Variants in NFIA observed in about 807,000 individuals in gnomAD.
The protein encoded by NFIA is nuclear factor 1 A-type.
Under a neutral mutation model 62.8 loss-of-function variants are expected in NFIA, and 8 were observed. The observed-to-expected ratio is 0.13, with a 90% CI of 0.07 to 0.23. The LOEUF is 0.23. NFIA is among the 10% of genes least tolerant of loss of function. The pLI is 1.00. For missense variants in NFIA, 410 were observed against 642.1 expected, an observed-to-expected ratio of 0.64 and a Z score of 3.91; for synonymous variants, 235 against 238.1, an observed-to-expected ratio of 0.99 and a Z score of 0.12.
At chr1:61,305,519 G>T (rs1232579419) in intron 3 of NFIA, among the ~76,000 whole-genome samples, 2 of 152,194 alleles carry the variant, frequency 1.3e-5, no homozygotes, top group African/African-American at 4.8e-5. Context: ...TGGTGGTTTT[G>T]CAGTGTAGAC....
chr1:61,406,543 G>A lies in NFIA; in HGVS notation c.1255-19G>A. Reference sequence around the variant, plus strand: ...TCTTTTTCTTGTACGTGTGTTTTCTGCCCCCCCCCCCCCCACAGCCCAATG... The same window carrying A: ...TCTTTTTCTTGTACGTGTGTTTTCTACCCCCCCCCCCCCCACAGCCCAATG... On this transcript the variant is annotated intron_variant, in intron 8 of 10. Transcript: ENST00000403491. The A allele has an allele frequency of 3.4e-6, 3 of 876,654 alleles. No individual in the cohort carries two copies. The highest frequency in any genetic ancestry group is 4.5e-5 in the East Asian group (1 of 22,024). 54.3% of individuals were successfully genotyped at this position (876,654 alleles called of 1,614,324 possible).
intron 6 of NFIA, among the ~76,000 whole-genome samples, chr1:61,365,613 G>A (rs1663545298): frequency 6.6e-6 from 1 of 152,206 alleles, no homozygotes; most frequent in Non-Finnish European, 1.5e-5. Flanking sequence ...TATCATTAAA[G>A]TCAAGCCAAG....
rs191999609 is a variant in NFIA at position 61,383,401 on chromosome 1, T to C, written c.1075+36T>C. The C allele has an allele frequency of 1.8e-4, 287 of 1,610,736 alleles. 1 individual carries two copies. The African/African-American group carries it at 3.4e-3, about 19-fold the overall frequency. ...CCACAGGCACCCTTGGTTGTGCTTA[T>C]ATCATGGCCTTTGGACCCAAGTAGC... On this transcript the variant is annotated intron_variant, in intron 7 of 10. Transcript: ENST00000403491.
At chr1:61,135,626 C>T (rs956838179) in intron 2 of NFIA, among the ~76,000 whole-genome samples, 10 of 152,192 alleles carry the variant, frequency 6.6e-5, no homozygotes, top group African/African-American at 2.4e-4. Context: ...GGGCTGGTCT[C>T]AAACTACTGG....
At chr1:61,383,102 T>A in intron 6 of NFIA, 135 bp from the exon 7 acceptor site, 1 of 1,131,278 alleles carries the variant, frequency 8.8e-7, no homozygotes, top group Non-Finnish European at 1.3e-6. Flanking sequence ...TGCAAAGCAA[T>A]TCACAACATC....
chr1:61,088,984 C>T lies in NFIA; in HGVS notation c.559+304C>T, dbSNP rs796921172. 1.3e-5 allele frequency among the ~76,000 whole-genome samples: 2 copies of T among 152,074 alleles called. No individual in the cohort carries two copies. Among genetic ancestry groups the T allele is most frequent in the Admixed American group, 6.5e-5 (1 of 15,268 alleles). Reference sequence around the variant, plus strand: ...GGATGAGAGAAGCCTCGTGAAAACCCTTTTAATAAAGAGTATATTTTAACT... The same window carrying T: ...GGATGAGAGAAGCCTCGTGAAAACCTTTTTAATAAAGAGTATATTTTAACT... On this transcript the variant is annotated intron_variant, in intron 2 of 10. Transcript: ENST00000403491. This position sits in a 1 kb window ranked among gnomAD's most constrained non-coding sequence, Gnocchi z 4.5.
intron 5 of NFIA, among the ~76,000 whole-genome samples, chr1:61,356,885 C>G (rs1392995570): frequency 6.6e-6 from 1 of 152,156 alleles, no homozygotes; most frequent in Non-Finnish European, 1.5e-5. Context: ...CACATTTTTT[C>G]ATTCAGATTG....
At chr1:61,238,585 C>T (rs1655140170) in intron 2 of NFIA, among the ~76,000 whole-genome samples, 1 of 152,170 alleles carries the variant, frequency 6.6e-6, no homozygotes, top group Non-Finnish European at 1.5e-5. Context: ...TTATCTCAGA[C>T]AGACATCCTG....
At chr1:61,080,383 G>A (rs1646081069), upstream of NFIA, among the ~76,000 whole-genome samples, 1 of 151,438 alleles carries the variant, frequency 6.6e-6, no homozygotes, top group African/African-American at 2.4e-5. Context: ...TTTGAAAATA[G>A]GCAGATGTGA....
At chr1:61,105,338 T>C (rs1390198590) in intron 2 of NFIA, among the ~76,000 whole-genome samples, 1 of 152,130 alleles carries the variant, frequency 6.6e-6, no homozygotes, top group Non-Finnish European at 1.5e-5. Flanking sequence ...TTCTTAACAT[T>C]ACACTACAAT....
intron 2 of NFIA, among the ~76,000 whole-genome samples, chr1:61,186,983 G>A (rs1371766544): frequency 6.6e-6 from 1 of 152,158 alleles, no homozygotes; most frequent in Non-Finnish European, 1.5e-5. Context: ...CAGTGGTGCT[G>A]TACTTTTGCT....
At chr1:61,270,625 T>A (rs2100262097) in intron 2 of NFIA, among the ~76,000 whole-genome samples, 1 of 152,364 alleles carries the variant, frequency 6.6e-6, no homozygotes, top group Admixed American at 6.5e-5. Context: ...TAGATGGCTG[T>A]ATGAGTAATC....
chr1:61,240,816 T>C (rs1413631558), intron 2 of NFIA, among the ~76,000 whole-genome samples: 1 of 152,092 alleles, frequency 6.6e-6, no homozygotes, highest in East Asian at 1.9e-4. Flanking sequence ...TCGAGAAATA[T>C]TTTCAAGGAC....
intron 2 of NFIA, among the ~76,000 whole-genome samples, chr1:61,153,964 G>A (rs1165070223): frequency 6.6e-6 from 1 of 152,106 alleles, no homozygotes; most frequent in African/African-American, 2.4e-5. Flanking sequence ...TTAGTCAAGA[G>A]TACTTTGGAA....
intron 2 of NFIA, among the ~76,000 whole-genome samples, chr1:61,123,347 T>C (rs764475093): frequency 1.7e-4 from 26 of 152,340 alleles, no homozygotes; most frequent in Non-Finnish European, 3.5e-4. Context: ...GTGATTTCTT[T>C]CGTTTGTATA....
intron 4 of NFIA, among the ~76,000 whole-genome samples, chr1:61,338,510 T>C (rs1329131304): frequency 6.6e-6 from 1 of 152,256 alleles, no homozygotes; most frequent in Non-Finnish European, 1.5e-5. Context: ...TTGAAGTCTC[T>C]GGGTCCTTGT....
At chr1:61,364,403 G>T (rs150200935) in intron 6 of NFIA, among the ~76,000 whole-genome samples, 4 of 152,148 alleles carry the variant, frequency 2.6e-5, no homozygotes, top group Non-Finnish European at 5.9e-5. Flanking sequence ...TGAATGAAGC[G>T]ATAAAGCAGA....
At chr1:61,233,930 G>T (rs1272862477) in intron 2 of NFIA, among the ~76,000 whole-genome samples, 5 of 152,134 alleles carry the variant, frequency 3.3e-5, no homozygotes, top group Admixed American at 6.5e-5. Context: ...CATAATTTAT[G>T]ATTTTCTACT....
intron 2 of NFIA, among the ~76,000 whole-genome samples, chr1:61,152,710 TA>T (rs1368857797): frequency 6.6e-6 from 1 of 152,192 alleles, no homozygotes; most frequent in African/African-American, 2.4e-5. Context: ...CATTATCACA[TA>T]GGAGTACACA....
Sources: allele counts gnomAD v4.1 joint callset (sites outside exome capture counted in the v4.1 genomes callset), GRCh38; gene constraint gnomAD v4.1.1; non-coding constraint Gnocchi (gnomAD v3.1); transcripts MANE v1.5; gene names NCBI Gene and HGNC (gene_info 2026-07-23, HGNC 2026-07-21).